MYZAP: variants seen among roughly 807,000 people sequenced by gnomAD.
The protein encoded by MYZAP is myocardial zonula adherens protein, also known as GRINL1A complex locus upstream.
In MYZAP, 66 loss-of-function variants were observed where a neutral mutation model predicts 69.4. The observed-to-expected ratio is 0.95, with a 90% CI of 0.78 to 1.17. MYZAP has a LOEUF of 1.17. Among genes scored for constraint, MYZAP ranks in the 50% most tolerant of loss-of-function variants. The pLI is 0.00. For missense variants in MYZAP, 611 were observed against 556.2 expected (o/e 1.10, Z -0.99); for synonymous variants, 256 against 205.9 (o/e 1.24, Z -2.09).
intron 11 of MYZAP, among the ~76,000 whole-genome samples, chr15:57,662,318 T>C (rs1413065421): frequency 2.0e-5 from 3 of 152,234 alleles, no homozygotes; most frequent in Non-Finnish European, 4.4e-5. Flanking sequence ...TTCCTCGTTA[T>C]AGTCCTTCCA....
intron 12 of MYZAP, among the ~76,000 whole-genome samples, chr15:57,681,011 G>T (rs747993808): frequency 5.3e-5 from 8 of 152,134 alleles, no homozygotes; most frequent in African/African-American, 1.2e-4. Context: ...TTGAAATCCT[G>T]TTGTTTCCTA....
chr15:57,676,459 CATATAT>C (rs1450210805), intron 12 of MYZAP, among the ~76,000 whole-genome samples: 11 of 138,836 alleles, frequency 7.9e-5, no homozygotes, highest in East Asian at 4.2e-4. Context: ...TATATATATA[CATATAT>C]ATACATATAT....
At chr15:57,666,033 T>C (rs893331157) in intron 11 of MYZAP, among the ~76,000 whole-genome samples, 1 of 152,234 alleles carries the variant, frequency 6.6e-6, no homozygotes, top group Admixed American at 6.5e-5. Flanking sequence ...AAATAATAGA[T>C]ACAAAAGACT....
chr15:57,625,742 G>A, intron 4 of MYZAP, 37 bp from the exon 5 acceptor site: 1 of 1,595,572 alleles, frequency 6.3e-7, no homozygotes, highest in African/African-American at 1.3e-5. Flanking sequence ...AACGTGTAGG[G>A]ATTGATTTTG....
intron 12 of MYZAP, among the ~76,000 whole-genome samples, chr15:57,680,962 G>C (rs1178422497): frequency 2.0e-5 from 3 of 152,190 alleles, no homozygotes; most frequent in Non-Finnish European, 4.4e-5. Context: ...TAAGGCAAAT[G>C]GTTGGGTTTC....
chr15:57,601,030 T>C (rs543144314), intron 1 of MYZAP, among the ~76,000 whole-genome samples: 1 of 152,238 alleles, frequency 6.6e-6, no homozygotes, highest in Admixed American at 6.5e-5. Flanking sequence ...GTGCTATGAT[T>C]ACACCACTGC....
intron 10 of MYZAP, 127 bp downstream of exon 10, chr15:57,639,672 T>G: frequency 1.9e-6 from 2 of 1,035,766 alleles, no homozygotes; most frequent in Non-Finnish European, 2.8e-6. Flanking sequence ...GCCACTGCCA[T>G]CTAGGCCCAG....
Position 57,675,070 on chromosome 15 carries a change from TATTTAGGA to T in MYZAP, c.1304+7_1304+14del. 6.3e-7 allele frequency: 1 copy of T among 1,589,754 alleles called. No individual in the cohort carries two copies. The highest frequency in any genetic ancestry group is 8.5e-7 in the Non-Finnish European group (1 of 1,170,806). ...AGTGGGCTGTGATCTTCTACCCAGG[TATTTAGGA>T]ATTTCCTGATTTTTTTTTTTATTCA... On this transcript the variant is annotated splice_donor_5th_base_variant and intron_variant, in intron 12 of 12. Coordinates refer to ENST00000267853, the MANE Select transcript of MYZAP (RefSeq NM_001018100.5).
At chr15:57,661,230 G>A (rs1445288606) in intron 10 of MYZAP, among the ~76,000 whole-genome samples, 6 of 152,212 alleles carry the variant, frequency 3.9e-5, no homozygotes, top group South Asian at 2.1e-4. Context: ...CACACAATCC[G>A]CCTGTCTTGG....
chr15:57,636,360 A>G (rs1263333368), intron 8 of MYZAP, among the ~76,000 whole-genome samples: 3 of 152,236 alleles, frequency 2.0e-5, no homozygotes, highest in Non-Finnish European at 4.4e-5. Flanking sequence ...GAGATAATAT[A>G]TTCTTCCTGC....
intron 11 of MYZAP, among the ~76,000 whole-genome samples, chr15:57,673,463 CGTGTGTGTGTGTGTGTGTGTGTGT>C (rs3051249): frequency 1.7e-3 from 173 of 102,668 alleles, no homozygotes; most frequent in African/African-American, 5.3e-3. Context: ...TGCGTGCATG[CGTGTGTGTGTGTGTGTGTGTGTGT>C]GTGTGTGTGT....
At chr15:57,595,816 G>C (rs2034021914) in intron 1 of MYZAP, among the ~76,000 whole-genome samples, 1 of 152,128 alleles carries the variant, frequency 6.6e-6, no homozygotes, top group African/African-American at 2.4e-5. Flanking sequence ...GCCTGCCCTT[G>C]CTGATATTTC....
At chr15:57,644,119 C>G (rs2037317550) in intron 10 of MYZAP, among the ~76,000 whole-genome samples, 3 of 152,202 alleles carry the variant, frequency 2.0e-5, no homozygotes, top group Admixed American at 2.0e-4. Flanking sequence ...TTTAAAAACT[C>G]TGCAAGTGAT....
intron 9 of MYZAP, 47 bp downstream of exon 9, chr15:57,637,821 A>G (rs770857203): frequency 1.3e-6 from 2 of 1,562,802 alleles, no homozygotes; most frequent in Non-Finnish European, 1.7e-6. Flanking sequence ...GGTTGTGGAC[A>G]CGCTGTGTTT....
chr15:57,595,787 A>G (rs1218332725), intron 1 of MYZAP, among the ~76,000 whole-genome samples: 1 of 152,160 alleles, frequency 6.6e-6, no homozygotes, highest in Non-Finnish European at 1.5e-5. Flanking sequence ...ACAAGGTCAC[A>G]GGATAGGACT....
chr15:57,626,510 C>G (rs1171823105), intron 5 of MYZAP, among the ~76,000 whole-genome samples: 1 of 152,106 alleles, frequency 6.6e-6, no homozygotes, highest in Admixed American at 6.5e-5. Flanking sequence ...CAAGTGCTTC[C>G]CATTCTTACT....
rs1358799197 is a variant in MYZAP, at chr15:57,670,242, TTTG to T, written c.1204-4723_1204-4721del. ...ACCATGGTTTTAGACTGTCTCTTTC[TTTG>T]TTTTTACTTTGTGTATTTTGAAACT... is the stretch of plus-strand genomic sequence containing the variant. On this transcript the variant is annotated intron_variant, in intron 11 of 12. Transcript: ENST00000267853. 3.3e-5 allele frequency among the ~76,000 whole-genome samples: 5 copies of T among 152,222 alleles called. No individual in the cohort carries two copies. In the East Asian group the frequency reaches 5.8e-4, roughly 18 times the overall value.
intron 12 of MYZAP, among the ~76,000 whole-genome samples, chr15:57,678,182 T>A (rs1900271690): frequency 6.6e-6 from 1 of 151,948 alleles, no homozygotes. Context: ...GGCAACTTGA[T>A]GAAACCCTGT....
Position 57,671,258 on chromosome 15 carries a change from T to C in MYZAP, c.1204-3710T>C, listed in dbSNP as rs1425350715. On this transcript the variant is annotated intron_variant, in intron 11 of 12. Coordinates refer to ENST00000267853, the MANE Select transcript of MYZAP (RefSeq NM_001018100.5). ...CATTGTTTCTGGGTTCCATGGTTTT[T>C]AATGAAATATCTGTAGTGATTCAAA... is the stretch of plus-strand genomic sequence containing the variant. 3.3e-5 allele frequency among the ~76,000 whole-genome samples: 5 copies of C among 152,158 alleles called. 1 individual carries two copies. The South Asian group carries it at 1.0e-3, about 31-fold the overall frequency.
Sources: gnomAD v4.1 joint callset for allele counts (sites outside exome capture counted in the v4.1 genomes callset) on GRCh38, gnomAD v4.1.1 for gene constraint, MANE v1.5 for transcripts, NCBI Gene and HGNC (gene_info 2026-07-23, HGNC 2026-07-21) for gene names.